EDN2: variants seen among roughly 807,000 people sequenced by gnomAD.
EDN2 encodes endothelin-2.
In EDN2, 10 loss-of-function variants were observed where a neutral mutation model predicts 19.9. The ratio of observed to expected loss-of-function variants is 0.50; its 90% CI spans 0.31 to 0.85. EDN2 has a LOEUF of 0.85. EDN2 is among the 40% of genes least tolerant of loss of function. The pLI is 0.05. For missense variants in EDN2, 222 were observed against 239.3 expected (o/e 0.93, Z 0.48); for synonymous variants, 84 against 94.9 (o/e 0.89, Z 0.67).
chr1:41,482,633 A>AAGAG, intron 2 of EDN2, 45 bp from the exon 3 acceptor site: 2 of 1,514,372 alleles, frequency 1.3e-6, no homozygotes, highest in Non-Finnish European at 1.8e-6. Context: ...GGTGGAGAGA[A>AAGAG]AGAGAGAGAG....
chr1:41,484,322 T>A (rs1365144679), intron 1 of EDN2, 119 bp from the exon 2 acceptor site: 1 of 1,378,668 alleles, frequency 7.3e-7, no homozygotes, highest in East Asian at 2.5e-5. Context: ...GCACTCTTGC[T>A]GCTCAAGAGC....
chr1:41,480,279 A>G (rs1273339832), intron 4 of EDN2, among the ~76,000 whole-genome samples: 1 of 152,048 alleles, frequency 6.6e-6, no homozygotes, highest in Non-Finnish European at 1.5e-5. Context: ...GCCGCCCCCA[A>G]AAGGTGAGAA....
At chr1:41,484,403 C>G in intron 1 of EDN2, 135 bp downstream of exon 1, 1 of 1,344,630 alleles carries the variant, frequency 7.4e-7, no homozygotes, top group Non-Finnish European at 1.0e-6. Flanking sequence ...CAGAACCTTT[C>G]CCCTGCCACC....
At chr1:41,483,293 G>A (rs1371772651) in intron 2 of EDN2, among the ~76,000 whole-genome samples, 2 of 152,274 alleles carry the variant, frequency 1.3e-5, no homozygotes, top group Non-Finnish European at 1.5e-5. Flanking sequence ...GGTAGACTCA[G>A]CACGCAGGGA....
At position 41,484,121 on chromosome 1, in the gene EDN2, G is replaced by A. The variant is rs1383618611; in HGVS notation, c.147C>T (p.Cys49=). The change falls in exon 2 of 5, where the codon TGC becomes TGT. Residue 49 remains cysteine (C), a synonymous_variant. Coordinates refer to ENST00000372587, the MANE Select transcript of EDN2 (RefSeq NM_001956.5). The part of the protein sequence containing the change: ...AQGTHLRLRR[C]SCSSWLDKEC... ...CCTTGTCGAGCCAGGAGCTGCAGGA[G>A]CAACGGCGAAGCCGAAGGTGGGTGC... 1.9e-6 allele frequency: 3 copies of A among 1,613,820 alleles called. No homozygotes were observed. Among genetic ancestry groups the A allele is most frequent in the South Asian group, 2.2e-5 (2 of 91,052 alleles).
chr1:41,479,695 C>T (rs1644230991), intron 4 of EDN2, among the ~76,000 whole-genome samples, 193 bp from the exon 5 acceptor site: 1 of 152,226 alleles, frequency 6.6e-6, no homozygotes, highest in Admixed American at 6.5e-5. Context: ...GGCGTTGAAG[C>T]TTCTCTGCAC....
rs772010004 is a variant in EDN2 at position 41,479,351 on chromosome 1, CTT to C, written c.*56_*57del. 6.9e-7 allele frequency: 1 copy of C among 1,439,410 alleles called. No homozygotes were observed. The highest frequency in any genetic ancestry group is 2.3e-5 in the East Asian group (1 of 43,736). The allele number at this position is 1,439,410 out of a possible 1,614,324, so 89.2% of individuals were successfully genotyped here. On this transcript the variant is annotated 3_prime_UTR_variant, in exon 5 of 5. Coordinates refer to ENST00000372587, the MANE Select transcript of EDN2 (RefSeq NM_001956.5). ...GCAGAGAGTCCACAAGCCCTGGCCA[CTT>C]CTCTCCTCCTCTCTCCCCGCGGGCT...
Position 41,484,066 on chromosome 1 carries a change from T to C in EDN2, c.202A>G (p.Ile68Val), listed in dbSNP as rs201643440. Residue 68 changes from isoleucine (I) to valine (V), a missense_variant, in exon 2 of 5, where the codon ATC (isoleucine) becomes GTC (valine). By Grantham distance (29) the Ile-to-Val change is conservative. Transcript: ENST00000372587. ...ECVYFCHLDI[I>V]WVNTPEQTAP... ...GCTCACTCAGGAGTGTTCACCCAGA[T>C]GATGTCCAAGTGGCAGAAGTAGACG... 8 of 1,610,072 alleles carry C rather than the reference T, an allele frequency of 5.0e-6. No homozygotes were observed. In the East Asian group the frequency reaches 1.8e-4, roughly 36 times the overall value.
intron 2 of EDN2, among the ~76,000 whole-genome samples, chr1:41,483,358 G>T (rs758648910): frequency 6.6e-6 from 1 of 152,244 alleles, no homozygotes; most frequent in African/African-American, 2.4e-5. Context: ...CTTCACACAC[G>T]CTTACGTGCA....
intron 2 of EDN2, 125 bp from the exon 3 acceptor site, chr1:41,482,713 C>T: frequency 3.8e-6 from 5 of 1,303,394 alleles, no homozygotes; most frequent in Non-Finnish European, 5.0e-6. Flanking sequence ...TCCACACTGC[C>T]CACTGGGACA....
Position 41,479,496 on chromosome 1 carries a change from A to T in EDN2, c.450T>A (p.Ile150=). 1 of 1,614,084 alleles carries T rather than the reference A, an allele frequency of 6.2e-7. No homozygotes were observed. The highest frequency in any genetic ancestry group is 8.5e-7 in the Non-Finnish European group (1 of 1,179,916). ...TGELLQRLRD[I]STVKSLFAKR... is the part of the protein sequence containing the mutation. ...TGGCAAAGAGGCTCTTGACTGTGGA[A>T]ATGTCCCTGGGAATCAAGAAGGGTC... Residue 150 remains isoleucine (I), a synonymous_variant, in exon 5 of 5, where the codon ATT becomes ATA. Coordinates refer to ENST00000372587, the MANE Select transcript of EDN2 (RefSeq NM_001956.5).
rs779966886 is a variant in EDN2, at chr1:41,484,152, G to C, written c.116C>G (p.Ala39Gly). ...TLEQPASSSH[A>G]QGTHLRLRRC... The stretch of plus-strand genomic sequence containing the variant: ...GCGAAGCCGAAGGTGGGTGCCTTGG[G>C]CATGAGATGAGGACGCTGGCTGCTC... Residue 39 changes from alanine (A) to glycine (G), a missense_variant, in exon 2 of 5, where the codon GCC becomes GGC. Physicochemically the swap from Ala to Gly is moderately conservative, Grantham distance 60 (BLOSUM62 0). Coordinates refer to ENST00000372587, the MANE Select transcript of EDN2 (RefSeq NM_001956.5). 2 of 1,613,466 alleles carry C rather than the reference G, an allele frequency of 1.2e-6. No homozygotes were observed. The highest frequency in any genetic ancestry group is 2.2e-5 in the South Asian group (2 of 91,056).
At chr1:41,482,941 C>T (rs565653236) in intron 2 of EDN2, 1 of 165,870 alleles carries the variant, frequency 6.0e-6, no homozygotes, top group Admixed American at 6.4e-5. Context: ...CTCCTAGTCT[C>T]TCTCCCCTCT....
chr1:41,479,788 C>T (rs1444146479), intron 4 of EDN2, among the ~76,000 whole-genome samples: 1 of 152,234 alleles, frequency 6.6e-6, no homozygotes, highest in East Asian at 1.9e-4. Context: ...GTGGGTCTCC[C>T]GTCATCTGCC....
chr1:41,481,427 C>A (rs921091991), intron 3 of EDN2, among the ~76,000 whole-genome samples: 20 of 152,190 alleles, frequency 1.3e-4, no homozygotes, highest in Admixed American at 1.1e-3. Context: ...CTTTTTTGGC[C>A]TTCCCAGAAT....
chr1:41,482,800 G>T (rs889549329), intron 2 of EDN2: 10 of 525,444 alleles, frequency 1.9e-5, no homozygotes, highest in Admixed American at 4.6e-5. Context: ...GAAGTCACAG[G>T]CTACTCCACA....
chr1:41,482,013 C>T (rs1222629705), intron 3 of EDN2, among the ~76,000 whole-genome samples: 2 of 152,136 alleles, frequency 1.3e-5, no homozygotes, highest in Non-Finnish European at 2.9e-5. Context: ...GGTGACATGG[C>T]TTCCCAACTC....
At chr1:41,481,311 T>C (rs1267447714) in intron 3 of EDN2, 118 bp from the exon 4 acceptor site, 1 of 742,554 alleles carries the variant, frequency 1.3e-6, no homozygotes, top group Admixed American at 2.5e-5. Flanking sequence ...CGGGAGCAGA[T>C]CCATTTCCAC....
intron 2 of EDN2, 193 bp from the exon 3 acceptor site, chr1:41,482,781 C>T (rs570856634): frequency 1.6e-6 from 1 of 638,598 alleles, no homozygotes; most frequent in East Asian, 3.8e-5. Flanking sequence ...CTCAAGAAGT[C>T]ACACCACTGA....
Sources: allele counts gnomAD v4.1 joint callset (sites outside exome capture counted in the v4.1 genomes callset), GRCh38; gene constraint gnomAD v4.1.1; transcripts MANE v1.5; gene names NCBI Gene and HGNC (gene_info 2026-07-23, HGNC 2026-07-21).